GUCY2C: variants seen among roughly 807,000 people sequenced by gnomAD.
GUCY2C encodes guanylate cyclase 2C.
A neutral mutation model predicts 131.1 loss-of-function variants in GUCY2C; 118 were observed. The ratio of observed to expected loss-of-function variants is 0.90; its 90% CI spans 0.78 to 1.05. GUCY2C has a LOEUF of 1.05. GUCY2C is among the 50% of genes least tolerant of loss of function. The pLI is 0.00. For synonymous variants in GUCY2C, 452 were observed against 457.8 expected, an observed-to-expected ratio of 0.99 and a Z score of 0.16; for missense variants, 1,161 against 1,304.4, an observed-to-expected ratio of 0.89 and a Z score of 1.69.
intron 3 of GUCY2C, among the ~76,000 whole-genome samples, chr12:14,685,528 G>A (rs1443106801): frequency 2.0e-5 from 3 of 152,086 alleles, no homozygotes; most frequent in Admixed American, 6.6e-5. Context: ...GATTAGGGAA[G>A]GTGTAATTAG....
At position 14,674,833 on chromosome 12, in the gene GUCY2C, T is replaced by C. The variant is rs544088865; in HGVS notation, c.949-73A>G. 117 of 1,179,722 alleles carry C rather than the reference T, an allele frequency of 9.9e-5. No individual in the cohort carries two copies. The South Asian group carries it at 1.2e-3, about 12-fold the overall frequency. The allele number at this position is 1,179,722 out of a possible 1,614,324, so 73.1% of individuals were successfully genotyped here. On this transcript the variant is annotated intron_variant, in intron 7 of 26. Coordinates refer to ENST00000261170, the MANE Select transcript of GUCY2C (RefSeq NM_004963.4). ...TTGTCTTGAGCCTAGAACAAAAGGTTGTTGGGATCAGCAGGGTTACTGGAA... is the reference window on the plus strand; with the variant it reads ...TTGTCTTGAGCCTAGAACAAAAGGTCGTTGGGATCAGCAGGGTTACTGGAA...
At chr12:14,690,533 T>C (rs1312118730) in intron 1 of GUCY2C, among the ~76,000 whole-genome samples, 3 of 144,130 alleles carry the variant, frequency 2.1e-5, no homozygotes, top group African/African-American at 8.8e-5. Context: ...AGGGATGTTC[T>C]TTTTTTTTCT....
intron 22 of GUCY2C, 31 bp downstream of exon 22, chr12:14,621,974 A>G: frequency 6.7e-7 from 1 of 1,488,774 alleles, no homozygotes; most frequent in Non-Finnish European, 9.2e-7. Context: ...TGTACAATTA[A>G]TGGTTTCAGC....
Position 14,652,903 on chromosome 12 carries a change from G to A in GUCY2C, c.1533+49C>T, listed in dbSNP as rs749284386. On this transcript the variant is annotated intron_variant, in intron 13 of 26. Transcript: ENST00000261170. ...GGGCCAGGGCAATGAGGGGTCAAAA[G>A]GCCCAGAGCATACCCCAGTGGAGAG... is the stretch of plus-strand genomic sequence containing the variant. The A allele has an allele frequency of 2.4e-6, 3 of 1,243,784 alleles. No homozygotes were observed. The South Asian group carries it at 3.6e-5, about 15-fold the overall frequency. 77.0% of individuals were successfully genotyped at this position (1,243,784 alleles called of 1,614,324 possible).
At chr12:14,620,757 G>A (rs1482273876) in intron 23 of GUCY2C, among the ~76,000 whole-genome samples, 1 of 152,114 alleles carries the variant, frequency 6.6e-6, no homozygotes, top group African/African-American at 2.4e-5. Context: ...GAAATCATAG[G>A]TATGGTGATT....
Position 14,614,642 on chromosome 12 carries a change from T to A in GUCY2C, c.3047+225A>T. The A allele has an allele frequency of 1.7e-5, 8 of 475,658 alleles. No individual in the cohort carries two copies. The South Asian group carries it at 2.3e-4, about 14-fold the overall frequency. 29.5% of individuals were successfully genotyped at this position (475,658 alleles called of 1,614,324 possible). ...GTGTTCCAGACAGGGAAGCCAAGGC[T>A]AAATACTTTTCTGTTTCATTGAGGT... On this transcript the variant is annotated intron_variant, in intron 26 of 26. Coordinates refer to ENST00000261170, the MANE Select transcript of GUCY2C (RefSeq NM_004963.4).
chr12:14,657,010 A>G (rs1178112853), intron 11 of GUCY2C, among the ~76,000 whole-genome samples: 1 of 152,172 alleles, frequency 6.6e-6, no homozygotes, highest in Non-Finnish European at 1.5e-5. Context: ...CTCCTATGAC[A>G]ATCTAATGCC....
In GUCY2C at chr12:14,695,685, T is replaced by A. The variant is rs142189250; in HGVS notation, c.217+547A>T. Among the ~76,000 whole-genome samples, 102 of 152,088 alleles carry A rather than the reference T, an allele frequency of 6.7e-4. 2 individuals are homozygous for A. The East Asian group carries it at 0.011, about 16-fold the overall frequency. On this transcript the variant is annotated intron_variant, in intron 1 of 26. Transcript: ENST00000261170. Reference sequence around the variant, plus strand: ...AAGGCCCAGAGAAAGATTTGGTGTCTATGTGAAATTGACTGTCTTAATTCA... The same window carrying A: ...AAGGCCCAGAGAAAGATTTGGTGTCAATGTGAAATTGACTGTCTTAATTCA...
At chr12:14,661,133 C>A in intron 10 of GUCY2C, 71 bp from the exon 11 acceptor site, 1 of 947,898 alleles carries the variant, frequency 1.1e-6, no homozygotes, top group Non-Finnish European at 1.7e-6. Flanking sequence ...TCTAGCTGTA[C>A]AATGTAATTT....
At position 14,612,976 on chromosome 12, in the gene GUCY2C, G is replaced by A. The variant is rs1466551779; in HGVS notation, c.*141C>T. ...ATCTGATTCATGCAAGAAAGTCCAT[G>A]TTCCAGACAGGGCAGCCAAGCCTAA... On this transcript the variant is annotated 3_prime_UTR_variant, in exon 27 of 27. Coordinates refer to ENST00000261170, the MANE Select transcript of GUCY2C (RefSeq NM_004963.4). The A allele has an allele frequency of 4.5e-6, 3 of 670,796 alleles. No individual in the cohort carries two copies. 41.6% of individuals were successfully genotyped at this position (670,796 alleles called of 1,614,324 possible). A position where few individuals can be genotyped will look rare whatever the true frequency, so the allele number is the denominator to read the frequency against.
At chr12:14,620,425 C>G (rs1946870264) in intron 23 of GUCY2C, among the ~76,000 whole-genome samples, 1 of 152,178 alleles carries the variant, frequency 6.6e-6, no homozygotes, top group Admixed American at 6.6e-5. Context: ...CCCATTGAAG[C>G]TCTCTGAACC....
Position 14,651,513 on chromosome 12 carries a change from T to A in GUCY2C, c.1606-2A>T. 2 of 1,526,208 alleles carry A rather than the reference T, an allele frequency of 1.3e-6. No individual in the cohort carries two copies. Among genetic ancestry groups the A allele is most frequent in the Non-Finnish European group, 1.8e-6 (2 of 1,102,494 alleles). The allele number at this position is 1,526,208 out of a possible 1,614,324, so 94.5% of individuals were successfully genotyped here. On this transcript the variant is annotated splice_acceptor_variant, in intron 14 of 26. Coordinates refer to ENST00000261170, the MANE Select transcript of GUCY2C (RefSeq NM_004963.4). LOFTEE classifies it high-confidence loss of function. ...GTTGTAATAGTCAATCTGAAGCAACTAGAAGAACGTGTTTGTTTACAAAGC... is the reference window on the plus strand; with the variant it reads ...GTTGTAATAGTCAATCTGAAGCAACAAGAAGAACGTGTTTGTTTACAAAGC...
chr12:14,648,434 C>G (rs1947570743), intron 15 of GUCY2C, among the ~76,000 whole-genome samples: 2 of 152,086 alleles, frequency 1.3e-5, no homozygotes, highest in African/African-American at 4.8e-5. Flanking sequence ...AGAAAAGACT[C>G]TACAGAAACC....
At chr12:14,663,913 T>C (rs1947918874) in intron 10 of GUCY2C, among the ~76,000 whole-genome samples, 1 of 152,182 alleles carries the variant, frequency 6.6e-6, no homozygotes, top group Non-Finnish European at 1.5e-5. Context: ...AATAAATTCA[T>C]ATAGAAAGAC....
chr12:14,669,478 AGTGCT>A (rs1267460918), intron 10 of GUCY2C, among the ~76,000 whole-genome samples: 1 of 152,040 alleles, frequency 6.6e-6, no homozygotes, highest in Admixed American at 6.6e-5. Context: ...GGCCTCCCAA[AGTGCT>A]GGGATTACAG....
intron 6 of GUCY2C, among the ~76,000 whole-genome samples, chr12:14,677,940 T>G (rs1948274057): frequency 6.6e-6 from 1 of 152,128 alleles, no homozygotes; most frequent in Non-Finnish European, 1.5e-5. Context: ...TCTGGTATGT[T>G]TGAACTGCTG....
chr12:14,679,811 A>G, intron 5 of GUCY2C, 58 bp from the exon 6 acceptor site: 1 of 866,162 alleles, frequency 1.2e-6, no homozygotes, highest in South Asian at 1.4e-5. Flanking sequence ...ACAAACAGGC[A>G]GGGAACCAGT....
chr12:14,690,605 G>C (rs1251066857), intron 1 of GUCY2C, among the ~76,000 whole-genome samples: 1 of 151,736 alleles, frequency 6.6e-6, no homozygotes, highest in Non-Finnish European at 1.5e-5. Context: ...GCAGTGGCGC[G>C]ATCTCTGCTT....
chr12:14,664,930 C>T (rs1947941891), intron 10 of GUCY2C, among the ~76,000 whole-genome samples: 1 of 152,022 alleles, frequency 6.6e-6, no homozygotes, highest in African/African-American at 2.4e-5. Flanking sequence ...AGAATAAGCC[C>T]TGAGGGGGCG....
Sources: allele counts gnomAD v4.1 joint callset (sites outside exome capture counted in the v4.1 genomes callset), GRCh38; gene constraint gnomAD v4.1.1; transcripts MANE v1.5; gene names NCBI Gene and HGNC (gene_info 2026-07-23, HGNC 2026-07-21).